The following BANP variants were observed in gnomAD, a reference collection of about 807,000 sequenced individuals.
BANP encodes the protein BTG3 associated nuclear protein.
Under a neutral mutation model 68.1 loss-of-function variants are expected in BANP, and 11 were observed. That is an observed-to-expected ratio of 0.16 (90% CI 0.10 to 0.27). The LOEUF is 0.27. Ranked by LOEUF, BANP falls within the 10% of genes least tolerant of loss-of-function variation. The pLI, the probability that BANP is intolerant of heterozygous loss-of-function variation, is 1.00. For missense variants in BANP, 504 were observed against 722.7 expected (o/e 0.70, Z 3.47); for synonymous variants, 329 against 303.2 (o/e 1.09, Z -0.88).
At position 88,057,730 on chromosome 16, in the gene BANP, G is replaced by A. The variant is rs1441075761; in HGVS notation, c.1312-7537G>A. Among the ~76,000 whole-genome samples the A allele has an allele frequency of 7.1e-6, 1 of 140,196 alleles. No homozygotes were observed. The highest frequency in any genetic ancestry group is 1.6e-5 in the Non-Finnish European group (1 of 63,576). 92.0% of individuals were successfully genotyped at this position (140,196 alleles called of 152,430 possible). A position where few individuals can be genotyped will look rare whatever the true frequency, so the allele number is the denominator to read the frequency against. On this transcript the variant is annotated intron_variant, in intron 11 of 13. Transcript: ENST00000682872. This position sits in a 1 kb window ranked among gnomAD's most constrained non-coding sequence, Gnocchi z 4.6. Reference sequence around the variant, plus strand: ...AGTCTGACTTCTGACAAGTAAGAGAGATGGCGGGGCCATCTGGGTGGGGCG... The same window carrying A: ...AGTCTGACTTCTGACAAGTAAGAGAAATGGCGGGGCCATCTGGGTGGGGCG...
intron 7 of BANP, among the ~76,000 whole-genome samples, chr16:88,022,184 G>C (rs1340693419): frequency 2.6e-5 from 4 of 152,216 alleles, no homozygotes; most frequent in African/African-American, 7.2e-5. Context: ...GCATTCGCCT[G>C]TTTTCTCTAT....
At chr16:87,983,510 G>A (rs2063700110) in intron 3 of BANP, among the ~76,000 whole-genome samples, 1 of 152,180 alleles carries the variant, frequency 6.6e-6, no homozygotes, top group Non-Finnish European at 1.5e-5. Flanking sequence ...CAGCCGGAAA[G>A]GTCAGACGTG....
At chr16:88,068,308 A>T (rs2089344563) in intron 12 of BANP, among the ~76,000 whole-genome samples, 1 of 152,204 alleles carries the variant, frequency 6.6e-6, no homozygotes, top group Admixed American at 6.5e-5. Context: ...GGCGTGCGCC[A>T]GGGTCCCTGT....
rs369733269 is a variant in BANP, at chr16:87,972,299, T to G, written c.-68-2749T>G. 6.1e-5 allele frequency among the ~76,000 whole-genome samples: 9 copies of G among 148,156 alleles called. No individual in the cohort carries two copies. In the East Asian group the frequency reaches 1.5e-3, roughly 25 times the overall value. ...TCTTCATTTCTGAAGTTACTTTTTC[T>G]TTTGTTTCTAATATATTCTGAGTTC... On this transcript the variant is annotated intron_variant, in intron 1 of 13. Coordinates refer to ENST00000682872, the MANE Select transcript of BANP (RefSeq NM_001386991.1).
chr16:87,958,455 A>G (rs1370002557), intron 1 of BANP, among the ~76,000 whole-genome samples: 1 of 152,192 alleles, frequency 6.6e-6, no homozygotes, highest in East Asian at 1.9e-4. Flanking sequence ...CTCTTCTGTG[A>G]TGTGTGTCTA....
intron 6 of BANP, among the ~76,000 whole-genome samples, chr16:88,007,119 C>T (rs2071452571): frequency 6.6e-6 from 1 of 152,118 alleles, no homozygotes; most frequent in Non-Finnish European, 1.5e-5. Flanking sequence ...AATCTTTCCA[C>T]GTTAGTGCAG....
chr16:88,035,827 G>A (rs1422515340), intron 10 of BANP, among the ~76,000 whole-genome samples: 2 of 152,220 alleles, frequency 1.3e-5, no homozygotes, highest in Non-Finnish European at 2.9e-5. Context: ...GATTAGTGCC[G>A]ATTTCATGGG....
rs1599143172 is a variant in BANP at position 88,071,949 on chromosome 16, T to C, written c.1378-120T>C. The C allele has an allele frequency of 7.4e-7, 1 of 1,343,940 alleles. No individual in the cohort carries two copies. The highest frequency in any genetic ancestry group is 1.0e-6 in the Non-Finnish European group (1 of 975,412). 83.3% of individuals were successfully genotyped at this position (1,343,940 alleles called of 1,614,324 possible). A position where few individuals can be genotyped will look rare whatever the true frequency, so the allele number is the denominator to read the frequency against. Reference sequence around the variant, plus strand: ...TCCTCGGTGTGGCCCTGAGGCCGTGTCCCTGCCGCTCAGGGGACAGCACGT... The same window carrying C: ...TCCTCGGTGTGGCCCTGAGGCCGTGCCCCTGCCGCTCAGGGGACAGCACGT... On this transcript the variant is annotated intron_variant, in intron 12 of 13. Transcript: ENST00000682872. This position sits in a 1 kb window ranked among gnomAD's most constrained non-coding sequence, Gnocchi z 6.5.
intron 9 of BANP, among the ~76,000 whole-genome samples, chr16:88,034,844 G>T (rs1269054337): frequency 6.6e-6 from 1 of 152,118 alleles, no homozygotes; most frequent in Non-Finnish European, 1.5e-5. Context: ...ACTTTCCCAG[G>T]CTTTAATTAC....
intron 1 of BANP, among the ~76,000 whole-genome samples, chr16:87,955,997 G>A (rs2057973314): frequency 6.6e-6 from 1 of 152,190 alleles, no homozygotes; most frequent in South Asian, 2.1e-4. Flanking sequence ...CACACGGAAG[G>A]CCTTCCCACA....
At chr16:88,076,105 G>A (rs113546207) in intron 13 of BANP, among the ~76,000 whole-genome samples, 2 of 152,194 alleles carry the variant, frequency 1.3e-5, no homozygotes, top group African/African-American at 4.8e-5. Context: ...TTTAATATCT[G>A]TAACTCGTTG....
At chr16:88,016,313 C>G (rs1162192587) in intron 6 of BANP, among the ~76,000 whole-genome samples, 1 of 152,246 alleles carries the variant, frequency 6.6e-6, no homozygotes, top group East Asian at 1.9e-4. Flanking sequence ...CCTCCCACAT[C>G]TTGGGTTTCC....
intron 11 of BANP, among the ~76,000 whole-genome samples, chr16:88,053,284 A>C (rs1475748111): frequency 6.6e-6 from 1 of 151,448 alleles, no homozygotes; most frequent in Non-Finnish European, 1.5e-5. Flanking sequence ...CACCGTCACC[A>C]ACACAGTCCC....
chr16:87,998,796 A>G (rs2068087847), intron 4 of BANP, among the ~76,000 whole-genome samples: 1 of 124,842 alleles, frequency 8.0e-6, no homozygotes, highest in Non-Finnish European at 1.6e-5. Context: ...GCGCGGCTGT[A>G]CTTACCTGTC....
In BANP at chr16:88,057,889, G is replaced by A. The variant is rs2085544859; in HGVS notation, c.1312-7378G>A. On this transcript the variant is annotated intron_variant, in intron 11 of 13. Coordinates refer to ENST00000682872, the MANE Select transcript of BANP (RefSeq NM_001386991.1). The surrounding 1 kb of genome is among the most constrained non-coding windows in gnomAD (Gnocchi z 4.6). ...GCGAGCACTTTCCGGACAGTGCGGTGCGGGGCAGCGAGTGGCCGCCTGTGT... is the reference window on the plus strand; with the variant it reads ...GCGAGCACTTTCCGGACAGTGCGGTACGGGGCAGCGAGTGGCCGCCTGTGT... Among the ~76,000 whole-genome samples, 1 of 152,176 alleles carries A rather than the reference G, an allele frequency of 6.6e-6. No homozygotes were observed. Among genetic ancestry groups the A allele is most frequent in the South Asian group, 2.1e-4 (1 of 4,828 alleles).
chr16:88,012,974 T>C (rs767889383), intron 6 of BANP, among the ~76,000 whole-genome samples: 20 of 152,090 alleles, frequency 1.3e-4, no homozygotes, highest in Non-Finnish European at 2.5e-4. Flanking sequence ...ATATAAAAAG[T>C]TGAGTAATAC....
chr16:88,077,082 C>A lies in BANP; in HGVS notation c.*421C>A, dbSNP rs892822002. The A allele has an allele frequency of 1.0e-5, 2 of 199,980 alleles. No individual in the cohort carries two copies. The highest frequency in any genetic ancestry group is 2.1e-5 in the Non-Finnish European group (2 of 95,588). 12.4% of individuals were successfully genotyped at this position (199,980 alleles called of 1,614,324 possible). On this transcript the variant is annotated 3_prime_UTR_variant, in exon 14 of 14. Transcript: ENST00000682872. ...TCTGTCCAGTGTCATGAGACGGGAG[C>A]CCTTTGCTGTGTGCTCTGTCCAGTG...
At chr16:88,026,219 C>T (rs111439642) in intron 7 of BANP, among the ~76,000 whole-genome samples, 1 of 152,230 alleles carries the variant, frequency 6.6e-6, no homozygotes, top group Non-Finnish European at 1.5e-5. Flanking sequence ...GACGATGCAC[C>T]TGGCTTTGGC....
intron 11 of BANP, among the ~76,000 whole-genome samples, chr16:88,041,992 C>G (rs538310852): frequency 1.3e-5 from 2 of 151,060 alleles, no homozygotes; most frequent in African/African-American, 4.9e-5. Context: ...GCAGTAGGAG[C>G]GTGGGAGACG....
Sources: allele counts gnomAD v4.1 joint callset (sites outside exome capture counted in the v4.1 genomes callset), GRCh38; gene constraint gnomAD v4.1.1; non-coding constraint Gnocchi (gnomAD v3.1); transcripts MANE v1.5; gene names NCBI Gene and HGNC (gene_info 2026-07-23, HGNC 2026-07-21).